The following NCLN variants were observed in gnomAD, a reference collection of about 807,000 sequenced individuals.
NCLN encodes nicalin.
Under a neutral mutation model 69.5 loss-of-function variants are expected in NCLN, and 34 were observed. The ratio of observed to expected loss-of-function variants is 0.49; its 90% CI spans 0.37 to 0.65. NCLN has a LOEUF of 0.65. Ranked by LOEUF, NCLN falls within the 30% of genes least tolerant of loss-of-function variation. The pLI is 0.00. For missense variants in NCLN, 710 were observed against 804.8 expected, an observed-to-expected ratio of 0.88 and a Z score of 1.42; for synonymous variants, 393 against 358.3, an observed-to-expected ratio of 1.10 and a Z score of -1.09.
At chr19:3,197,621 C>CT (rs34357515) in intron 4 of NCLN, among the ~76,000 whole-genome samples, 52,103 of 130,046 alleles carry the variant, frequency 0.4, 10,571 homozygotes, top group South Asian at 0.51. Flanking sequence ...TTTTGTAATT[C>CT]TTTTTTTTTT....
chr19:3,200,312 A>ATT lies in NCLN; in HGVS notation c.697-1195_697-1194dup, dbSNP rs34745192. Among the ~76,000 whole-genome samples, 785 of 126,878 alleles carry ATT rather than the reference A, an allele frequency of 6.2e-3. 26 individuals carry two copies. Among genetic ancestry groups the ATT allele is most frequent in the African/African-American group, 0.016 (523 of 33,206 alleles). 83.2% of individuals were successfully genotyped at this position (126,878 alleles called of 152,430 possible). ...TGTTTTAAATTTATTTTATTTATGT[A>ATT]TTTTTTTTTTTTTTTTTGAGACGGA... is the stretch of plus-strand genomic sequence containing the variant. On this transcript the variant is annotated intron_variant, in intron 5 of 14. Transcript: ENST00000246117.
Position 3,209,039 on chromosome 19 carries a change from C to G in NCLN, c.*1351C>G, listed in dbSNP as rs576259460. 1 of 152,248 alleles carries G rather than the reference C, an allele frequency of 6.6e-6. No individual in the cohort carries two copies. The highest frequency in any genetic ancestry group is 1.5e-5 in the Non-Finnish European group (1 of 68,194). 9.4% of individuals were successfully genotyped at this position (152,248 alleles called of 1,614,324 possible). On this transcript the variant is annotated 3_prime_UTR_variant, in exon 15 of 15. Transcript: ENST00000246117. ...GCTGGGCAAGTCCTGGCCTGGCACC[C>G]GCAGCCGTCTCCCTTCCGTGGCCCA...
At chr19:3,204,475 C>T in intron 8 of NCLN, 98 bp from the exon 9 acceptor site, 4 of 1,322,274 alleles carry the variant, frequency 3.0e-6, no homozygotes, top group Non-Finnish European at 4.1e-6. Context: ...TCATTTTGCA[C>T]CCTCGGGGGT....
chr19:3,189,708 T>G (rs1312540190), intron 1 of NCLN, among the ~76,000 whole-genome samples: 1 of 152,218 alleles, frequency 6.6e-6, no homozygotes, highest in African/African-American at 2.4e-5. Context: ...GTGTCCACAC[T>G]AGCTTGTGGC....
At position 3,204,885 on chromosome 19, in the gene NCLN, G is replaced by A. The variant is rs372450130; in HGVS notation, c.1208+134G>A. 3.1e-5 allele frequency: 31 copies of A among 1,003,322 alleles called. 1 individual carries two copies. The highest frequency in any genetic ancestry group is 6.9e-4 in the Middle Eastern group (2 of 2,896). 62.2% of individuals were successfully genotyped at this position (1,003,322 alleles called of 1,614,324 possible). A position where few individuals can be genotyped will look rare whatever the true frequency, so the allele number is the denominator to read the frequency against. On this transcript the variant is annotated intron_variant, in intron 9 of 14. Coordinates refer to ENST00000246117, the MANE Select transcript of NCLN (RefSeq NM_020170.4). ...CAGGCTGCGAGGAAGGGGCCGGTGC[G>A]TGGCCAAGGCCGGCTGCACGGTCAG...
intron 12 of NCLN, 147 bp from the exon 13 acceptor site, chr19:3,207,051 T>G (rs1916288739): frequency 2.2e-6 from 2 of 900,758 alleles, no homozygotes; most frequent in Non-Finnish European, 3.6e-6. Context: ...CTTGAACTCT[T>G]GACTTCAAGT....
Position 3,192,455 on chromosome 19 carries a change from C to T in NCLN, c.185-15C>T. ...CCACCCGCCGAGGCTCACGACCCCGCCCCTGTGCCCACAGGCACACGGAAT... is the reference window on the plus strand; with the variant it reads ...CCACCCGCCGAGGCTCACGACCCCGTCCCTGTGCCCACAGGCACACGGAAT... On this transcript the variant is annotated splice_polypyrimidine_tract_variant and intron_variant, in intron 1 of 14. Coordinates refer to ENST00000246117, the MANE Select transcript of NCLN (RefSeq NM_020170.4). The T allele has an allele frequency of 1.9e-6, 3 of 1,571,836 alleles. No individual in the cohort carries two copies. The highest frequency in any genetic ancestry group is 2.4e-5 in the East Asian group (1 of 41,872).
Position 3,193,396 on chromosome 19 carries a change from C to T in NCLN, c.488C>T (p.Ser163Phe), listed in dbSNP as rs1915880575. ...ATCTACAAGCAGACCCAGGCTGCCT[C>T]CGCCTCCCAGGGCTCCGCCTCTGCT... is the stretch of plus-strand genomic sequence containing the variant. ...LSIYKQTQAA[S>F]ASQGSASAAE... Residue 163 changes from serine (S) to phenylalanine (F), a missense_variant, in exon 3 of 15, where the codon TCC becomes TTC. Coordinates refer to ENST00000246117, the MANE Select transcript of NCLN (RefSeq NM_020170.4). 1.2e-6 allele frequency: 2 copies of T among 1,609,950 alleles called. No homozygotes were observed. The highest frequency in any genetic ancestry group is 1.7e-6 in the Non-Finnish European group (2 of 1,179,718).
intron 4 of NCLN, among the ~76,000 whole-genome samples, chr19:3,198,613 C>G (rs1308862977): frequency 2.6e-5 from 4 of 152,106 alleles, no homozygotes; most frequent in African/African-American, 7.2e-5. Flanking sequence ...GGTCCCTGTT[C>G]CCGGCTCTAC....
intron 12 of NCLN, among the ~76,000 whole-genome samples, 193 bp from the exon 13 acceptor site, chr19:3,207,005 G>T (rs1412787002): frequency 6.6e-6 from 1 of 151,946 alleles, no homozygotes; most frequent in Non-Finnish European, 1.5e-5. Flanking sequence ...TTAATTTTTA[G>T]TAGAGATGGG....
At position 3,207,713 on chromosome 19, in the gene NCLN, C is replaced by T. The variant is rs536523889; in HGVS notation, c.*25C>T. The T allele has an allele frequency of 6.2e-5, 99 of 1,593,636 alleles. 1 individual carries two copies. In the South Asian group the frequency reaches 1.0e-3, roughly 16 times the overall value. On this transcript the variant is annotated 3_prime_UTR_variant, in exon 15 of 15. Transcript: ENST00000246117. ...ACACAGCCACCCCCACAGCCGGAGC[C>T]CCCGCCGCTCCACAGTCCCTGGGGC...
At chr19:3,193,940 G>A (rs937493412) in intron 3 of NCLN, among the ~76,000 whole-genome samples, 1 of 152,230 alleles carries the variant, frequency 6.6e-6, no homozygotes, top group Non-Finnish European at 1.5e-5. Context: ...GGGAAAGATG[G>A]GAGTTGCCGC....
chr19:3,192,456 C>T lies in NCLN; in HGVS notation c.185-14C>T. The T allele has an allele frequency of 1.3e-6, 2 of 1,573,770 alleles. No homozygotes were observed. The highest frequency in any genetic ancestry group is 1.9e-4 in the Middle Eastern group (1 of 5,372). On this transcript the variant is annotated splice_polypyrimidine_tract_variant and intron_variant, in intron 1 of 14. Transcript: ENST00000246117. Reference sequence around the variant, plus strand: ...CACCCGCCGAGGCTCACGACCCCGCCCCTGTGCCCACAGGCACACGGAATG... The same window carrying T: ...CACCCGCCGAGGCTCACGACCCCGCTCCTGTGCCCACAGGCACACGGAATG...
intron 2 of NCLN, among the ~76,000 whole-genome samples, 161 bp from the exon 3 acceptor site, chr19:3,193,123 C>T (rs1915871086): frequency 6.6e-6 from 1 of 152,088 alleles, no homozygotes; most frequent in South Asian, 2.1e-4. Context: ...CCTCTGAGGG[C>T]CTGCCTGCCC....
Position 3,206,288 on chromosome 19 carries a change from G to A in NCLN, c.1362G>A (p.Ser454=), listed in dbSNP as rs578243523. ...QMQIQQEQLD[S]VMDWLTNQPR... ...AGATCCAGCAGGAGCAGCTGGACTC[G>A]GTGATGGACTGGCTCACCAACCAGC... Residue 454 remains serine, a synonymous_variant, in exon 12 of 15, where the codon TCG becomes TCA. Coordinates refer to ENST00000246117, the MANE Select transcript of NCLN (RefSeq NM_020170.4). 95 of 1,547,936 alleles carry A rather than the reference G, an allele frequency of 6.1e-5. No homozygotes were observed. The highest frequency in any genetic ancestry group is 4.6e-4 in the East Asian group (19 of 40,920).
intron 2 of NCLN, among the ~76,000 whole-genome samples, chr19:3,192,972 C>T (rs1915866734): frequency 1.3e-5 from 2 of 149,982 alleles, no homozygotes; most frequent in South Asian, 2.1e-4. Flanking sequence ...CACAGGGCTG[C>T]GCAGGAGAAC....
In NCLN at chr19:3,205,074, C is replaced by T. The variant is rs1916230638; in HGVS notation, c.1208+323C>T. On this transcript the variant is annotated intron_variant, in intron 9 of 14. Coordinates refer to ENST00000246117, the MANE Select transcript of NCLN (RefSeq NM_020170.4). The surrounding 1 kb of genome is among the most constrained non-coding windows in gnomAD (Gnocchi z 4.6). ...GCCCTGCCACAGCCCGAAAGTCCTGCCTGGCCCCGGCCACCGTCTTGGGGA... is the reference window on the plus strand; with the variant it reads ...GCCCTGCCACAGCCCGAAAGTCCTGTCTGGCCCCGGCCACCGTCTTGGGGA... Among the ~76,000 whole-genome samples the T allele has an allele frequency of 6.6e-6, 1 of 152,320 alleles. No homozygotes were observed. The highest frequency in any genetic ancestry group is 6.5e-5 in the Admixed American group (1 of 15,304).
Position 3,205,837 on chromosome 19 carries a change from G to T in NCLN, c.1209-102G>T. 6.3e-6 allele frequency: 6 copies of T among 959,472 alleles called. No homozygotes were observed. Among genetic ancestry groups the T allele is most frequent in the Non-Finnish European group, 8.1e-6 (5 of 616,988 alleles). 59.4% of individuals were successfully genotyped at this position (959,472 alleles called of 1,614,324 possible). ...ATTTTTTTTTTTTTTTAAAGACAGA[G>T]TCTCACGGTCTCCTAGGCTGGAGTG... On this transcript the variant is annotated intron_variant, in intron 9 of 14. Coordinates refer to ENST00000246117, the MANE Select transcript of NCLN (RefSeq NM_020170.4). The surrounding 1 kb of genome is among the most constrained non-coding windows in gnomAD (Gnocchi z 4.6).
chr19:3,201,687 C>A, intron 6 of NCLN, 61 bp downstream of exon 6: 1 of 1,308,144 alleles, frequency 7.6e-7, no homozygotes, highest in Non-Finnish European at 1.0e-6. Flanking sequence ...GACAGCGCTG[C>A]CCACCAGGCA....
Sources: allele counts gnomAD v4.1 joint callset (sites outside exome capture counted in the v4.1 genomes callset), GRCh38; gene constraint gnomAD v4.1.1; non-coding constraint Gnocchi (gnomAD v3.1); transcripts MANE v1.5; gene names NCBI Gene and HGNC (gene_info 2026-07-23, HGNC 2026-07-21).